Variants in ATG4A observed in about 807,000 individuals in gnomAD.
The protein encoded by ATG4A is cysteine protease ATG4A.
Under a neutral mutation model 38.4 loss-of-function variants are expected in ATG4A, and 22 were observed. The observed-to-expected ratio is 0.57, with a 90% CI of 0.41 to 0.82. ATG4A has a LOEUF of 0.82. Among genes scored for constraint, ATG4A ranks in the 40% least tolerant of loss-of-function variants. ATG4A has a pLI of 0.00. For missense variants in ATG4A, 220 were observed against 290.0 expected, an observed-to-expected ratio of 0.76 and a Z score of 1.75; for synonymous variants, 86 against 100.7, an observed-to-expected ratio of 0.85 and a Z score of 0.88.
At chrX:108,131,386 C>T (rs1457090026) in intron 4 of ATG4A, 28 bp downstream of exon 4, 1 of 1,158,345 alleles carries the variant, frequency 8.6e-7, no homozygotes, top group East Asian at 3.0e-5. Flanking sequence ...TATAAACTTT[C>T]TCAGAGACCT....
intron 1 of ATG4A, among the ~76,000 whole-genome samples, chrX:108,112,485 G>A (rs1418280373): frequency 1.8e-5 from 2 of 108,982 alleles, no homozygotes; most frequent in Non-Finnish European, 3.8e-5. Flanking sequence ...TCCGCCTCCC[G>A]GGTTCACGCC....
At chrX:108,146,562 C>T (rs1044319330) in intron 9 of ATG4A, among the ~76,000 whole-genome samples, 2 of 111,803 alleles carry the variant, frequency 1.8e-5, no homozygotes, top group South Asian at 3.8e-4. Flanking sequence ...GATACAGTTC[C>T]CACTGTTAGA....
At chrX:108,091,873 A>G in intron 1 of ATG4A, 37 bp downstream of exon 1, 1 of 1,210,133 alleles carries the variant, frequency 8.3e-7, no homozygotes, top group African/African-American at 1.7e-5. Context: ...CGTGTGAAAG[A>G]GCCGGGGTGG....
At chrX:108,137,525 A>G (rs1253501145) in intron 7 of ATG4A, among the ~76,000 whole-genome samples, 1 of 112,261 alleles carries the variant, frequency 8.9e-6, no homozygotes, top group African/African-American at 3.2e-5. Flanking sequence ...TCCCTGTCTC[A>G]AAGGCCCTGG....
intron 1 of ATG4A, among the ~76,000 whole-genome samples, chrX:108,119,782 T>C (rs984789106): frequency 6.3e-5 from 7 of 111,897 alleles, no homozygotes; most frequent in African/African-American, 2.3e-4. Flanking sequence ...TTTTCCTCCT[T>C]CTCCTCACCA....
intron 4 of ATG4A, 100 bp downstream of exon 4, chrX:108,131,458 C>A (rs2032950753): frequency 1.2e-6 from 1 of 839,941 alleles, no homozygotes; most frequent in African/African-American, 2.0e-5. Flanking sequence ...CACTCAGTAA[C>A]AAACTTGAGG....
At chrX:108,132,006 TCTC>T (rs1322107120) in intron 4 of ATG4A, among the ~76,000 whole-genome samples, 1 of 111,283 alleles carries the variant, frequency 9.0e-6, no homozygotes, top group African/African-American at 3.3e-5. Flanking sequence ...TTCAAGCAAT[TCTC>T]CGCCTCAGCC....
At chrX:108,113,994 A>T (rs1423716929) in intron 1 of ATG4A, among the ~76,000 whole-genome samples, 2 of 112,170 alleles carry the variant, frequency 1.8e-5, no homozygotes, top group Non-Finnish European at 3.8e-5. Flanking sequence ...CTAGAGATGC[A>T]TCTAAAAGTT....
At chrX:108,128,931 C>T in intron 3 of ATG4A, 79 bp downstream of exon 3, 1 of 654,708 alleles carries the variant, frequency 1.5e-6, no homozygotes, top group East Asian at 3.6e-5. Flanking sequence ...TCATAGAAAC[C>T]TCAGAATTAA....
At position 108,150,218 on chromosome X, in the gene ATG4A, C is replaced by T. The variant is rs766770646; in HGVS notation, c.881C>T (p.Thr294Met). Residue 294 changes from threonine to methionine, a missense_variant, in exon 10 of 13, where the codon ACG (threonine) becomes ATG (methionine). Coordinates refer to ENST00000372232, the MANE Select transcript of ATG4A (RefSeq NM_052936.5). ...QTFVDTEENGTVNDQTFHCLQ... is the reference protein window; with the variant it reads ...QTFVDTEENGMVNDQTFHCLQ... Reference sequence around the variant, plus strand: ...TTTGTTGACACTGAAGAGAATGGAACGGTTAATGACCAGACTTTCCATTGC... The same window carrying T: ...TTTGTTGACACTGAAGAGAATGGAATGGTTAATGACCAGACTTTCCATTGC... The T allele has an allele frequency of 4.0e-5, 48 of 1,210,060 alleles. No individual in the cohort carries two copies. The highest frequency in any genetic ancestry group is 4.9e-5 in the Non-Finnish European group (44 of 894,887).
chrX:108,120,860 G>A (rs1307734613), intron 1 of ATG4A, among the ~76,000 whole-genome samples: 1 of 112,149 alleles, frequency 8.9e-6, no homozygotes, highest in Non-Finnish European at 1.9e-5. Flanking sequence ...CTCTCTAGCT[G>A]AAGGATAACT....
Position 108,091,802 on chromosome X carries a change from A to G in ATG4A, c.-25A>G. 8.3e-7 allele frequency: 1 copy of G among 1,211,138 alleles called. No homozygotes were observed. The highest frequency in any genetic ancestry group is 1.1e-6 in the Non-Finnish European group (1 of 894,981). ...CGTCCGTAGTCAAGTTGCCGGTGGA[A>G]TTGGCCCAGGATGACAGCTGGAGAA... On this transcript the variant is annotated 5_prime_UTR_variant, in exon 1 of 13. Transcript: ENST00000372232.
At chrX:108,134,797 C>T (rs1010977564) in intron 6 of ATG4A, among the ~76,000 whole-genome samples, 1 of 111,876 alleles carries the variant, frequency 8.9e-6, no homozygotes, top group Non-Finnish European at 1.9e-5. Flanking sequence ...AGGGCTCCCA[C>T]ATGCACTACA....
chrX:108,114,338 C>T (rs1487912028), intron 1 of ATG4A, among the ~76,000 whole-genome samples: 1 of 111,690 alleles, frequency 9.0e-6, no homozygotes, highest in Admixed American at 9.5e-5. Context: ...GGTATTATCT[C>T]TATTTTATGG....
intron 10 of ATG4A, among the ~76,000 whole-genome samples, chrX:108,151,082 G>C (rs892522923): frequency 8.9e-5 from 10 of 112,182 alleles, no homozygotes; most frequent in African/African-American, 2.9e-4. Context: ...CAGGGAGGAA[G>C]ATGGGATATC....
chrX:108,132,881 T>A (rs906958857), intron 4 of ATG4A, among the ~76,000 whole-genome samples: 9 of 111,002 alleles, frequency 8.1e-5, no homozygotes, highest in African/African-American at 2.6e-4. Flanking sequence ...TGGAAATAGA[T>A]CTTGTAGCTA....
chrX:108,150,838 C>T (rs1304252111), intron 10 of ATG4A, among the ~76,000 whole-genome samples: 1 of 112,256 alleles, frequency 8.9e-6, no homozygotes, highest in Non-Finnish European at 1.9e-5. Flanking sequence ...GGTGAGGACA[C>T]CACCAAACCG....
intron 1 of ATG4A, among the ~76,000 whole-genome samples, chrX:108,099,724 T>A (rs2031945903): frequency 8.9e-6 from 1 of 112,099 alleles, no homozygotes; most frequent in African/African-American, 3.2e-5. Flanking sequence ...TATTGATATC[T>A]AGTTACTTCA....
In ATG4A at chrX:108,137,952, C is replaced by T; in HGVS notation, c.696C>T (p.Gly232=). ...PLLLIVPLRL[G]INQINPVYVD... ...TGCTCATTGTGCCCCTTCGCCTGGG[C>T]ATAAACCAAATCAATCCTGTCTATG... The change falls in exon 8 of 13, where the codon GGC becomes GGT. Residue 232 remains glycine (G), a synonymous_variant. Coordinates refer to ENST00000372232, the MANE Select transcript of ATG4A (RefSeq NM_052936.5). 8.3e-7 allele frequency: 1 copy of T among 1,204,248 alleles called. No homozygotes were observed. Among genetic ancestry groups the T allele is most frequent in the Non-Finnish European group, 1.1e-6 (1 of 892,493 alleles).
Sources: allele counts gnomAD v4.1 joint callset (sites outside exome capture counted in the v4.1 genomes callset), GRCh38; gene constraint gnomAD v4.1.1; transcripts MANE v1.5; gene names NCBI Gene and HGNC (gene_info 2026-07-23, HGNC 2026-07-21).